SUSD1: variants seen among roughly 807,000 people sequenced by gnomAD.
The protein encoded by SUSD1 is sushi domain containing 1.
In SUSD1, 65 loss-of-function variants were observed where a neutral mutation model predicts 86.9. The observed-to-expected ratio is 0.75, with a 90% CI of 0.61 to 0.92. The LOEUF (loss-of-function observed/expected upper bound fraction) is 0.92. Among genes scored for constraint, SUSD1 ranks in the 40% least tolerant of loss-of-function variants. The pLI, the probability that SUSD1 is intolerant of heterozygous loss-of-function variation, is 0.00. For missense variants in SUSD1, 850 were observed against 929.7 expected, an observed-to-expected ratio of 0.91 and a Z score of 1.11; for synonymous variants, 346 against 350.0, an observed-to-expected ratio of 0.99 and a Z score of 0.13.
intron 2 of SUSD1, among the ~76,000 whole-genome samples, chr9:112,150,970 T>C (rs1008408006): frequency 2.0e-5 from 3 of 152,216 alleles, no homozygotes; most frequent in Non-Finnish European, 2.9e-5. Flanking sequence ...GGTCTCCCTC[T>C]GTCACCCAGG....
chr9:112,062,859 TCTC>T (rs1828793954), intron 13 of SUSD1, 75 bp downstream of exon 13: 5 of 956,230 alleles, frequency 5.2e-6, no homozygotes, highest in Non-Finnish European at 8.2e-6. Context: ...ACAGAAGTCT[TCTC>T]CTCACCAAAA....
chr9:112,126,584 T>C (rs1831784448), intron 5 of SUSD1, among the ~76,000 whole-genome samples: 1 of 152,184 alleles, frequency 6.6e-6, no homozygotes, highest in Non-Finnish European at 1.5e-5. Flanking sequence ...AGTTCCCCGT[T>C]AACAGAGCTA....
At chr9:112,125,657 G>A (rs1831744467) in intron 5 of SUSD1, among the ~76,000 whole-genome samples, 1 of 152,160 alleles carries the variant, frequency 6.6e-6, no homozygotes, top group Non-Finnish European at 1.5e-5. Flanking sequence ...AGAAAATTAA[G>A]CCCTCCTAAC....
At chr9:112,096,564 A>G (rs1009056246) in intron 10 of SUSD1, among the ~76,000 whole-genome samples, 2 of 152,140 alleles carry the variant, frequency 1.3e-5, no homozygotes, top group African/African-American at 2.4e-5. Flanking sequence ...TTATCTGAGG[A>G]GATCTTGCTC....
At chr9:112,159,520 G>A (rs1329901331) in intron 1 of SUSD1, among the ~76,000 whole-genome samples, 2 of 152,102 alleles carry the variant, frequency 1.3e-5, no homozygotes, top group African/African-American at 2.4e-5. Flanking sequence ...AAAGACAAAT[G>A]CAACAAATTC....
chr9:112,137,212 C>T (rs570453784), intron 5 of SUSD1, among the ~76,000 whole-genome samples: 5 of 152,076 alleles, frequency 3.3e-5, no homozygotes, highest in Admixed American at 3.3e-4. Context: ...ACCATGTGCT[C>T]AGAAAGGAGC....
chr9:112,112,496 C>G (rs971498150), intron 7 of SUSD1, among the ~76,000 whole-genome samples: 1 of 152,016 alleles, frequency 6.6e-6, no homozygotes, highest in East Asian at 1.9e-4. Flanking sequence ...ATTAGCCAAG[C>G]ATGGTAGTGC....
At chr9:112,161,920 G>A (rs1038053814) in intron 1 of SUSD1, among the ~76,000 whole-genome samples, 4 of 151,926 alleles carry the variant, frequency 2.6e-5, no homozygotes, top group Admixed American at 6.6e-5. Context: ...GGATGGTAGC[G>A]ATGGTTGCAC....
chr9:112,048,729 T>A (rs555827070), intron 15 of SUSD1, among the ~76,000 whole-genome samples: 1 of 152,104 alleles, frequency 6.6e-6, no homozygotes, highest in East Asian at 1.9e-4. Flanking sequence ...GTTGAGAAAA[T>A]TTAAAAAGCT....
chr9:112,142,671 A>G lies in SUSD1; in HGVS notation c.527-172T>C, dbSNP rs193084901. ...GGGAACATTTCCAACAATTGTCTTT[A>G]TTCAATCTTTTGGCCTTCCATAGGT... On this transcript the variant is annotated intron_variant, in intron 4 of 16. Coordinates refer to ENST00000374270, the MANE Select transcript of SUSD1 (RefSeq NM_022486.5). The G allele has an allele frequency of 2.3e-5, 14 of 619,016 alleles. No individual in the cohort carries two copies. In the Admixed American group the frequency reaches 3.5e-4, roughly 15 times the overall value. The allele number at this position is 619,016 out of a possible 1,614,324, so 38.3% of individuals were successfully genotyped here.
intron 1 of SUSD1, among the ~76,000 whole-genome samples, chr9:112,172,143 C>A (rs1291958027): frequency 6.6e-6 from 1 of 150,932 alleles, no homozygotes; most frequent in Non-Finnish European, 1.5e-5. Context: ...TTGCAGCAAG[C>A]GAGATCATGT....
rs183633937 is a variant in SUSD1, at chr9:112,165,571, G to A, written c.104-7958C>T. ...ACCACAGGTGTGCACCACCACACTC[G>A]GCTAATTTTTTTATTTTTAGCAGAG... On this transcript the variant is annotated intron_variant, in intron 1 of 16. Coordinates refer to ENST00000374270, the MANE Select transcript of SUSD1 (RefSeq NM_022486.5). 1.3e-3 allele frequency among the ~76,000 whole-genome samples: 199 copies of A among 151,768 alleles called. 1 individual carries two copies. Among genetic ancestry groups the A allele is most frequent in the African/African-American group, 4.6e-3 (189 of 41,376 alleles).
intron 10 of SUSD1, among the ~76,000 whole-genome samples, chr9:112,093,969 C>G (rs1032610476): frequency 5.3e-5 from 8 of 152,156 alleles, no homozygotes; most frequent in Admixed American, 2.6e-4. Flanking sequence ...CTTATTATGT[C>G]TCCGCCTGCA....
At chr9:112,117,386 T>A (rs528828212) in intron 6 of SUSD1, among the ~76,000 whole-genome samples, 1 of 152,242 alleles carries the variant, frequency 6.6e-6, no homozygotes, top group East Asian at 1.9e-4. Flanking sequence ...TGCCCAGTTG[T>A]AGAACACAGA....
chr9:112,086,510 G>T (rs1829982658), intron 10 of SUSD1, among the ~76,000 whole-genome samples: 1 of 143,082 alleles, frequency 7.0e-6, no homozygotes, highest in South Asian at 2.3e-4. Flanking sequence ...ATGAAAAAAA[G>T]AAAGAAAGAA....
intron 9 of SUSD1, among the ~76,000 whole-genome samples, chr9:112,100,424 G>A (rs1030675125): frequency 6.6e-6 from 1 of 151,894 alleles, no homozygotes; most frequent in African/African-American, 2.4e-5. Context: ...CTGACCTCGT[G>A]ATCCACCCGC....
In SUSD1 at chr9:112,165,898, AAAGG is replaced by A. The variant is rs1331536941; in HGVS notation, c.104-8289_104-8286del. ...GAAAGAGAAAGAAAAAGAAAGAAAG[AAAGG>A]AAGGAAGGAAGGAAGAAAGAAAAGA... On this transcript the variant is annotated intron_variant, in intron 1 of 16. Transcript: ENST00000374270. Among the ~76,000 whole-genome samples the A allele has an allele frequency of 1.2e-3, 109 of 90,874 alleles. 3 individuals carry two copies. The highest frequency in any genetic ancestry group is 4.5e-3 in the African/African-American group (83 of 18,400). The allele number at this position is 90,874 out of a possible 152,430, so 59.6% of individuals were successfully genotyped here. A position where few individuals can be genotyped will look rare whatever the true frequency, so the allele number is the denominator to read the frequency against.
At chr9:112,151,408 C>A (rs10981284) in intron 2 of SUSD1, among the ~76,000 whole-genome samples, 1 of 149,854 alleles carries the variant, frequency 6.7e-6, no homozygotes. Context: ...ACCAGCCTGG[C>A]CAACATGGTG....
At chr9:112,135,911 A>G (rs888509821) in intron 5 of SUSD1, among the ~76,000 whole-genome samples, 14 of 152,222 alleles carry the variant, frequency 9.2e-5, no homozygotes, top group Non-Finnish European at 1.5e-4. Flanking sequence ...TGGAGTTTAG[A>G]GAGGTTCAGA....
Sources: gnomAD v4.1 joint callset for allele counts (sites outside exome capture counted in the v4.1 genomes callset) on GRCh38, gnomAD v4.1.1 for gene constraint, MANE v1.5 for transcripts, NCBI Gene and HGNC (gene_info 2026-07-23, HGNC 2026-07-21) for gene names.